The following AMPH variants were observed in gnomAD, a reference collection of about 807,000 sequenced individuals.
The protein encoded by AMPH is amphiphysin, also known as amphiphysin (Stiff-Mann syndrome with breast cancer 128kD autoantigen).
In AMPH, 49 loss-of-function variants were observed where a neutral mutation model predicts 99.1. The ratio of observed to expected loss-of-function variants is 0.49; its 90% CI spans 0.39 to 0.63. The LOEUF (loss-of-function observed/expected upper bound fraction) is 0.63. Among genes scored for constraint, AMPH ranks in the 20% least tolerant of loss-of-function variants. The pLI is 0.00. For missense variants in AMPH, 759 were observed against 863.4 expected (o/e 0.88, Z 1.52); for synonymous variants, 314 against 317.3 (o/e 0.99, Z 0.11).
chr7:38,389,308 A>G (rs1267576520), intron 20 of AMPH, among the ~76,000 whole-genome samples: 1 of 152,224 alleles, frequency 6.6e-6, no homozygotes, highest in Non-Finnish European at 1.5e-5. Context: ...AATCTCTTTA[A>G]GTTGAGGTAT....
intron 2 of AMPH, among the ~76,000 whole-genome samples, chr7:38,511,011 C>G (rs987800924): frequency 1.8e-4 from 28 of 152,126 alleles, no homozygotes; most frequent in African/African-American, 6.0e-4. Flanking sequence ...CCACTTCTAA[C>G]CATGCAACTT....
chr7:38,472,183 G>T (rs1339659564), intron 7 of AMPH, among the ~76,000 whole-genome samples: 1 of 152,076 alleles, frequency 6.6e-6, no homozygotes, highest in Non-Finnish European at 1.5e-5. Context: ...TAACTAACAT[G>T]TAATATGTTT....
At chr7:38,535,798 C>T (rs140004286) in intron 1 of AMPH, among the ~76,000 whole-genome samples, 87 of 152,190 alleles carry the variant, frequency 5.7e-4, no homozygotes, top group African/African-American at 2.0e-3. Context: ...AACCTAATGC[C>T]GCTGCTGATC....
At chr7:38,387,539 G>T (rs1404309752) in intron 20 of AMPH, among the ~76,000 whole-genome samples, 1 of 151,950 alleles carries the variant, frequency 6.6e-6, no homozygotes, top group Non-Finnish European at 1.5e-5. Flanking sequence ...AGTAGCAGAG[G>T]AAACACTCAT....
intron 2 of AMPH, among the ~76,000 whole-genome samples, chr7:38,514,991 G>A (rs1230275283): frequency 1.3e-5 from 2 of 152,168 alleles, no homozygotes; most frequent in Non-Finnish European, 2.9e-5. Context: ...TGATTCTCGT[G>A]AGGGCTCAGA....
chr7:38,440,554 C>CTT (rs1786466270), intron 11 of AMPH, among the ~76,000 whole-genome samples: 1 of 151,746 alleles, frequency 6.6e-6, no homozygotes, highest in Non-Finnish European at 1.5e-5. Flanking sequence ...TAATTGGCTG[C>CTT]TTATACAAAA....
intron 7 of AMPH, among the ~76,000 whole-genome samples, chr7:38,466,746 T>C (rs112587154): frequency 0.022 from 3,283 of 152,282 alleles, 111 homozygotes; most frequent in African/African-American, 0.074. Flanking sequence ...GTTATTATTA[T>C]GTGTTTGGAC....
intron 11 of AMPH, among the ~76,000 whole-genome samples, chr7:38,458,846 T>C (rs1421251659): frequency 1.3e-5 from 2 of 152,152 alleles, no homozygotes; most frequent in Non-Finnish European, 2.9e-5. Context: ...CCATTCAATA[T>C]AGCACTGGAA....
At chr7:38,447,166 T>C (rs777995563) in intron 11 of AMPH, among the ~76,000 whole-genome samples, 43 of 152,104 alleles carry the variant, frequency 2.8e-4, no homozygotes, top group Non-Finnish European at 5.7e-4. Flanking sequence ...ATTACAGGCA[T>C]GTGCCACCAT....
At chr7:38,568,553 G>A (rs757213214) in intron 1 of AMPH, among the ~76,000 whole-genome samples, 27 of 152,222 alleles carry the variant, frequency 1.8e-4, no homozygotes, top group Admixed American at 3.3e-4. Flanking sequence ...GCAAATAAGT[G>A]TTATCACACA....
intron 11 of AMPH, 127 bp from the exon 12 acceptor site, chr7:38,436,515 C>T: frequency 1.4e-6 from 1 of 703,360 alleles, no homozygotes; most frequent in Non-Finnish European, 2.4e-6. Context: ...CTTTTATAAG[C>T]ATGGTGGCTC....
intron 10 of AMPH, 65 bp downstream of exon 10, chr7:38,462,910 C>T (rs1787504782): frequency 1.3e-6 from 2 of 1,486,962 alleles, no homozygotes; most frequent in Non-Finnish European, 9.0e-7. Flanking sequence ...GTGGGATTAT[C>T]CTAGATGGGG....
intron 1 of AMPH, among the ~76,000 whole-genome samples, chr7:38,600,471 T>C (rs1216369515): frequency 6.6e-6 from 1 of 152,148 alleles, no homozygotes; most frequent in Non-Finnish European, 1.5e-5. Context: ...ATATTAATAT[T>C]TTTACCATAA....
At chr7:38,443,896 ACTTT>A (rs1476990294) in intron 11 of AMPH, among the ~76,000 whole-genome samples, 2 of 152,090 alleles carry the variant, frequency 1.3e-5, no homozygotes, top group African/African-American at 4.8e-5. Flanking sequence ...AGAGAAGTAA[ACTTT>A]CTTTATTCAT....
rs578251634 is a variant in AMPH, at chr7:38,492,938, A to G, written c.300+1495T>C. 2.0e-5 allele frequency among the ~76,000 whole-genome samples: 3 copies of G among 152,312 alleles called. No homozygotes were observed. The South Asian group carries it at 6.2e-4, about 32-fold the overall frequency. Reference sequence around the variant, plus strand: ...CATGATGTTGAAATACTGTGTTTTAATTGAAGAAATGTGAGAAGATGCAAT... The same window carrying G: ...CATGATGTTGAAATACTGTGTTTTAGTTGAAGAAATGTGAGAAGATGCAAT... On this transcript the variant is annotated intron_variant, in intron 4 of 20. Coordinates refer to ENST00000356264, the MANE Select transcript of AMPH (RefSeq NM_001635.4).
chr7:38,421,942 TTC>T (rs886315596), intron 16 of AMPH, among the ~76,000 whole-genome samples: 2 of 152,234 alleles, frequency 1.3e-5, no homozygotes, highest in Non-Finnish European at 2.9e-5. Flanking sequence ...AACTAAGCTT[TTC>T]TCTCTCTTCT....
rs1787508602 is a variant in AMPH at position 38,462,965 on chromosome 7, C to T, written c.888+10G>A. ...AGCTCTATCCCCCAATATATTTGAC[C>T]TCTTCCTACCTGTGAAGGTGACCGA... On this transcript the variant is annotated intron_variant, in intron 10 of 20. Coordinates refer to ENST00000356264, the MANE Select transcript of AMPH (RefSeq NM_001635.4). 6.5e-7 allele frequency: 1 copy of T among 1,542,350 alleles called. No homozygotes were observed. Among genetic ancestry groups the T allele is most frequent in the Non-Finnish European group, 8.7e-7 (1 of 1,145,618 alleles).
At chr7:38,600,089 G>A (rs1299917041) in intron 1 of AMPH, among the ~76,000 whole-genome samples, 1 of 151,670 alleles carries the variant, frequency 6.6e-6, no homozygotes, top group Non-Finnish European at 1.5e-5. Flanking sequence ...GAGGTAACAA[G>A]GTTTTTAAAA....
intron 11 of AMPH, among the ~76,000 whole-genome samples, chr7:38,442,741 C>T (rs1786601940): frequency 6.6e-6 from 1 of 151,320 alleles, no homozygotes; most frequent in African/African-American, 2.4e-5. Flanking sequence ...TATAAGAAAA[C>T]AAAAAGGTCC....
Sources: gnomAD v4.1 joint callset for allele counts (sites outside exome capture counted in the v4.1 genomes callset) on GRCh38, gnomAD v4.1.1 for gene constraint, MANE v1.5 for transcripts, NCBI Gene and HGNC (gene_info 2026-07-23, HGNC 2026-07-21) for gene names.